TRPM3: variants seen among roughly 807,000 people sequenced by gnomAD.
The protein encoded by TRPM3 is transient receptor potential cation channel subfamily M member 3.
Under a neutral mutation model 181.2 loss-of-function variants are expected in TRPM3, and 77 were observed. That is an observed-to-expected ratio of 0.42 (90% CI 0.35 to 0.51). TRPM3 has a LOEUF of 0.51. Ranked by LOEUF, TRPM3 falls within the 20% of genes least tolerant of loss-of-function variation. The probability of loss-of-function intolerance (pLI) is 0.01; values close to 1 mark genes in which losing one functional copy is unlikely to be tolerated. For missense variants in TRPM3, 1,759 were observed against 2,196.7 expected, an observed-to-expected ratio of 0.80 and a Z score of 3.98; for synonymous variants, 745 against 796.4, an observed-to-expected ratio of 0.94 and a Z score of 1.09.
chr9:70,825,522 A>C (rs1164114360), intron 6 of TRPM3: 1 of 152,184 alleles, frequency 6.6e-6, no homozygotes, highest in African/African-American at 2.4e-5. Flanking sequence ...ACCTGCCTTG[A>C]TAATCTAGCA....
intron 9 of TRPM3, among the ~76,000 whole-genome samples, chr9:70,640,902 A>G (rs2057963174): frequency 6.6e-6 from 1 of 152,154 alleles, no homozygotes; most frequent in Non-Finnish European, 1.5e-5. Context: ...TTTTAAAAAG[A>G]AGGTCTTTGA....
chr9:71,232,644 G>A (rs147014395), intron 1 of TRPM3, among the ~76,000 whole-genome samples: 4 of 151,824 alleles, frequency 2.6e-5, no homozygotes, highest in South Asian at 2.1e-4. Flanking sequence ...GGGACTACAG[G>A]TGCATGCCAC....
chr9:70,882,206 T>A (rs1392570308), intron 1 of TRPM3, among the ~76,000 whole-genome samples: 7 of 152,208 alleles, frequency 4.6e-5, no homozygotes, highest in Non-Finnish European at 1.0e-4. Flanking sequence ...ATCTCTGGCA[T>A]GACCAGGTCC....
chr9:70,856,365 G>C (rs79331389), intron 3 of TRPM3, among the ~76,000 whole-genome samples: 1 of 152,082 alleles, frequency 6.6e-6, no homozygotes, highest in Non-Finnish European at 1.5e-5. Flanking sequence ...AAACCTTACC[G>C]TGTATGTAAA....
rs138794076 is a variant in TRPM3 at position 70,565,300 on chromosome 9, AT to A, written c.3224-11991del. Among the ~76,000 whole-genome samples, 36 of 150,034 alleles carry A rather than the reference AT, an allele frequency of 2.4e-4. 1 individual carries two copies. The highest frequency in any genetic ancestry group is 8.5e-4 in the South Asian group (4 of 4,732). On this transcript the variant is annotated intron_variant, in intron 22 of 25. Coordinates refer to ENST00000677713, the MANE Select transcript of TRPM3 (RefSeq NM_001366145.2). ...GGCAGATTTATCTGTTTTTATTTTTATTTTTTTTTTGAGACAGAGTTTTGCT... is the reference window on the plus strand; with the variant it reads ...GGCAGATTTATCTGTTTTTATTTTTATTTTTTTTTGAGACAGAGTTTTGCT...
At chr9:70,926,972 G>A (rs959349620) in intron 1 of TRPM3, among the ~76,000 whole-genome samples, 6 of 152,134 alleles carry the variant, frequency 3.9e-5, no homozygotes, top group African/African-American at 1.4e-4. Flanking sequence ...CTAGTTTAAA[G>A]GTTAAATTCT....
In TRPM3 at chr9:70,619,975, C is replaced by T. The variant is rs954437272; in HGVS notation, c.2129+101G>A. On this transcript the variant is annotated intron_variant, in intron 16 of 25. Coordinates refer to ENST00000677713, the MANE Select transcript of TRPM3 (RefSeq NM_001366145.2). Reference sequence around the variant, plus strand: ...CTGTGTGTGCATCACTGGGGTGATACTGATTTCCCTTAAAGTTCTGAGTAG... The same window carrying T: ...CTGTGTGTGCATCACTGGGGTGATATTGATTTCCCTTAAAGTTCTGAGTAG... The T allele has an allele frequency of 6.5e-6, 8 of 1,222,340 alleles. No homozygotes were observed. The African/African-American group carries it at 1.2e-4, about 19-fold the overall frequency. The allele number at this position is 1,222,340 out of a possible 1,614,324, so 75.7% of individuals were successfully genotyped here.
intron 1 of TRPM3, among the ~76,000 whole-genome samples, chr9:71,064,883 G>C (rs1187308059): frequency 6.6e-6 from 1 of 152,092 alleles, no homozygotes; most frequent in Non-Finnish European, 1.5e-5. Context: ...AGAAACTCTT[G>C]CAGGCTGAGA....
chr9:71,226,009 TAAAAAAAAAAA>T, intron 1 of TRPM3, among the ~76,000 whole-genome samples: 355 of 34,736 alleles, frequency 0.01, 1 homozygote, highest in East Asian at 0.018. Flanking sequence ...CAACAAAAGG[TAAAAAAAAAAA>T]AAAAAAAAAA....
Position 71,278,162 on chromosome 9 carries a change from A to G in TRPM3, c.183+168491T>C, listed in dbSNP as rs1022403820. On this transcript the variant is annotated intron_variant, in intron 1 of 24. Transcript: ENST00000357533. The stretch of plus-strand genomic sequence containing the variant: ...AATTAGTACAATTTCAGTAAAAGGA[A>G]CAATAACTGCGGATCTACTATGAGG... Among the ~76,000 whole-genome samples the G allele has an allele frequency of 8.5e-5, 13 of 152,374 alleles. No homozygotes were observed. In the South Asian group the frequency reaches 2.7e-3, roughly 32 times the overall value.
intron 1 of TRPM3, among the ~76,000 whole-genome samples, chr9:71,008,695 A>G (rs1408423486): frequency 1.3e-5 from 2 of 152,174 alleles, no homozygotes; most frequent in Non-Finnish European, 2.9e-5. Flanking sequence ...ATACAAAAAA[A>G]TTAGCTGGGC....
chr9:71,438,506 CA>C (rs35560368), intron 1 of TRPM3, among the ~76,000 whole-genome samples: 3 of 149,642 alleles, frequency 2.0e-5, no homozygotes, highest in Admixed American at 6.6e-5. Context: ...CCCTTCTCTA[CA>C]AAAAAAAATA....
At chr9:70,661,796 A>C (rs2061172818) in intron 9 of TRPM3, among the ~76,000 whole-genome samples, 2 of 152,178 alleles carry the variant, frequency 1.3e-5, no homozygotes, top group African/African-American at 2.4e-5. Flanking sequence ...AAATGGAAAT[A>C]AGTTCCATGG....
At chr9:71,296,219 T>C (rs1453035608) in intron 1 of TRPM3, among the ~76,000 whole-genome samples, 2 of 152,158 alleles carry the variant, frequency 1.3e-5, no homozygotes, top group African/African-American at 4.8e-5. Context: ...AGTCACTAAA[T>C]ATACATTGAA....
chr9:71,256,900 A>G (rs2082708313), intron 1 of TRPM3, among the ~76,000 whole-genome samples: 3 of 152,226 alleles, frequency 2.0e-5, no homozygotes, highest in African/African-American at 7.2e-5. Flanking sequence ...CTTGCAAAAA[A>G]AAAATACTGG....
At chr9:71,226,291 T>C (rs1473685862) in intron 1 of TRPM3, among the ~76,000 whole-genome samples, 1 of 151,904 alleles carries the variant, frequency 6.6e-6, no homozygotes, top group Admixed American at 6.6e-5. Context: ...GTGACAAAGC[T>C]ACCTGAAAAC....
At chr9:71,247,551 G>C (rs1453133446) in intron 1 of TRPM3, among the ~76,000 whole-genome samples, 1 of 151,916 alleles carries the variant, frequency 6.6e-6, no homozygotes, top group Non-Finnish European at 1.5e-5. Flanking sequence ...AAATACCAGG[G>C]GGGAATTTGC....
At chr9:70,599,122 C>T (rs1224731615) in intron 20 of TRPM3, among the ~76,000 whole-genome samples, 1 of 152,178 alleles carries the variant, frequency 6.6e-6, no homozygotes, top group Non-Finnish European at 1.5e-5. Context: ...CCAACTACTT[C>T]TCACCACCTC....
At chr9:71,245,959 T>C (rs928561772) in intron 1 of TRPM3, among the ~76,000 whole-genome samples, 6 of 152,166 alleles carry the variant, frequency 3.9e-5, no homozygotes, top group African/African-American at 1.2e-4. Flanking sequence ...TAAAGGAGAA[T>C]GGCTTTTTTA....
Sources: gnomAD v4.1 joint callset for allele counts (sites outside exome capture counted in the v4.1 genomes callset) on GRCh38, gnomAD v4.1.1 for gene constraint, MANE v1.5 for transcripts, NCBI Gene and HGNC (gene_info 2026-07-23, HGNC 2026-07-21) for gene names.